SF3B1: variants seen among roughly 807,000 people sequenced by gnomAD.
The protein encoded by SF3B1 is splicing factor 3b subunit 1.
SF3B1 carries 12 observed loss-of-function variants against 153.8 expected under a neutral mutation model. The ratio of observed to expected loss-of-function variants is 0.08; its 90% confidence interval spans 0.05 to 0.13. SF3B1 has a LOEUF of 0.13. Among genes scored for constraint, SF3B1 ranks in the 10% least tolerant of loss-of-function variants. SF3B1 has a pLI of 1.00. For missense variants in SF3B1, 513 were observed against 1,606.1 expected, an observed-to-expected ratio of 0.32 and a Z score of 11.63; for synonymous variants, 498 against 525.2, an observed-to-expected ratio of 0.95 and a Z score of 0.71.
chr2:197,410,155 GA>G (rs1156930410), intron 6 of SF3B1, 148 bp from the exon 7 acceptor site: 2 of 558,838 alleles, frequency 3.6e-6, no homozygotes, highest in Admixed American at 6.7e-5. Context: ...CTACTTATAG[GA>G]AAAGATACCT....
At chr2:197,407,923 G>T in intron 9 of SF3B1, 75 bp downstream of exon 9, 1 of 1,399,582 alleles carries the variant, frequency 7.1e-7, no homozygotes, top group South Asian at 1.3e-5. Context: ...GCCAATGCAA[G>T]CTTAATCAAT....
At chr2:197,419,738 T>G (rs1446688060) in intron 4 of SF3B1, 1 of 221,824 alleles carries the variant, frequency 4.5e-6, no homozygotes, top group African/African-American at 2.2e-5. Flanking sequence ...AAAAAGAATA[T>G]CCCTACTAAT....
intron 24 of SF3B1, among the ~76,000 whole-genome samples, 191 bp downstream of exon 24, chr2:197,392,781 G>A (rs549800369): frequency 6.6e-6 from 1 of 152,096 alleles, no homozygotes; most frequent in East Asian, 1.9e-4. Flanking sequence ...AAAGGGGAGG[G>A]AGAGCATTAG....
rs144149571 is a variant in SF3B1, at chr2:197,419,060, A to G, written c.416-472T>C. On this transcript the variant is annotated intron_variant, in intron 4 of 24. Transcript: ENST00000335508. ...CCTGACTACAAATAACTATGACTAG[A>G]TAAGTTCTTCATACAGTGTTCTAAA... The G allele has an allele frequency of 2.7e-4, 224 of 839,360 alleles. 1 individual carries two copies. The African/African-American group carries it at 3.0e-3, about 11-fold the overall frequency. 52.0% of individuals were successfully genotyped at this position (839,360 alleles called of 1,614,324 possible).
chr2:197,407,462 G>A (rs931224722), intron 9 of SF3B1, among the ~76,000 whole-genome samples: 2 of 152,018 alleles, frequency 1.3e-5, no homozygotes, highest in African/African-American at 2.4e-5. Flanking sequence ...AAGATGAGCC[G>A]GGCATGGTGG....
intron 6 of SF3B1, among the ~76,000 whole-genome samples, chr2:197,414,578 A>T (rs2085119517): frequency 6.6e-6 from 1 of 152,230 alleles, no homozygotes; most frequent in African/African-American, 2.4e-5. Flanking sequence ...GAGAAATGAA[A>T]ATACACTTTT....
At chr2:197,397,947 A>G (rs2084895616) in intron 22 of SF3B1, 38 bp downstream of exon 22, 1 of 1,510,088 alleles carries the variant, frequency 6.6e-7, no homozygotes. Context: ...CATTTATTAT[A>G]AAGTAATTTT....
rs2084794171 is a variant in SF3B1, at chr2:197,390,099, A to C, written c.*2204T>G. On this transcript the variant is annotated 3_prime_UTR_variant, in exon 25 of 25. Transcript: ENST00000335508. ...TTCCTTATTTAATAATAAGCACATA[A>C]AATAATCCAAATATCTGTGAGCCTC... 6.6e-6 allele frequency: 1 copy of C among 152,224 alleles called. No individual in the cohort carries two copies. Among genetic ancestry groups the C allele is most frequent in the Non-Finnish European group, 1.5e-5 (1 of 68,040 alleles). 9.4% of individuals were successfully genotyped at this position (152,224 alleles called of 1,614,324 possible). A position where few individuals can be genotyped will look rare whatever the true frequency, so the allele number is the denominator to read the frequency against.
chr2:197,410,015 A>G lies in SF3B1; in HGVS notation c.667-8T>C. 1 of 1,581,040 alleles carries G rather than the reference A, an allele frequency of 6.3e-7. No homozygotes were observed. Among genetic ancestry groups the G allele is most frequent in the Non-Finnish European group, 8.6e-7 (1 of 1,161,764 alleles). On this transcript the variant is annotated splice_region_variant and splice_polypyrimidine_tract_variant and intron_variant, in intron 6 of 24. Coordinates refer to ENST00000335508, the MANE Select transcript of SF3B1 (RefSeq NM_012433.4). ...AGGAGTATGCCCAGGGGTCTTAAAA[A>G]AGCAAAAAAATTTTATTTCACACAC...
intron 6 of SF3B1, 116 bp from the exon 7 acceptor site, chr2:197,410,123 GAA>G (rs1266705257): frequency 1.6e-6 from 1 of 639,574 alleles, no homozygotes; most frequent in African/African-American, 1.8e-5. Context: ...TATAATTAAT[GAA>G]AAGTTAGAAG....
At position 197,402,203 on chromosome 2, in the gene SF3B1, C is replaced by A. The variant is rs1459385417; in HGVS notation, c.2078-73G>T. The A allele has an allele frequency of 6.6e-7, 1 of 1,515,276 alleles. No individual in the cohort carries two copies. 93.9% of individuals were successfully genotyped at this position (1,515,276 alleles called of 1,614,324 possible). On this transcript the variant is annotated intron_variant, in intron 14 of 24. Transcript: ENST00000335508. The surrounding 1 kb of genome is among the most constrained non-coding windows in gnomAD (Gnocchi z 4.6). The stretch of plus-strand genomic sequence containing the variant: ...TTACACAATATCATCCAGATTCTCT[C>A]AATATATCAACTATTCAGCCAAACT...
chr2:197,400,576 A>G lies in SF3B1; in HGVS notation c.2718+139T>C. 9.9e-7 allele frequency: 1 copy of G among 1,007,802 alleles called. No homozygotes were observed. Among genetic ancestry groups the G allele is most frequent in the Non-Finnish European group, 1.4e-6 (1 of 694,378 alleles). 62.4% of individuals were successfully genotyped at this position (1,007,802 alleles called of 1,614,324 possible). On this transcript the variant is annotated intron_variant, in intron 18 of 24. Coordinates refer to ENST00000335508, the MANE Select transcript of SF3B1 (RefSeq NM_012433.4). This position sits in a 1 kb window ranked among gnomAD's most constrained non-coding sequence, Gnocchi z 5.0. Reference sequence around the variant, plus strand: ...CAAATCTTAAAACTTGAGGTAGAATAATATCGTTTGGTAACCCCCTGAGCA... The same window carrying G: ...CAAATCTTAAAACTTGAGGTAGAATGATATCGTTTGGTAACCCCCTGAGCA...
In SF3B1 at chr2:197,402,241, C is replaced by G; in HGVS notation, c.2078-111G>C. On this transcript the variant is annotated intron_variant, in intron 14 of 24. Coordinates refer to ENST00000335508, the MANE Select transcript of SF3B1 (RefSeq NM_012433.4). The surrounding 1 kb of genome is among the most constrained non-coding windows in gnomAD (Gnocchi z 4.6). ...ATTCAGCCAAACTGCAGAATATGTT[C>G]ACATTAAACAAAATTAGGTAAAAGC... The G allele has an allele frequency of 3.1e-6, 4 of 1,307,130 alleles. No individual in the cohort carries two copies. Among genetic ancestry groups the G allele is most frequent in the Non-Finnish European group, 3.1e-6 (3 of 961,586 alleles). 81.0% of individuals were successfully genotyped at this position (1,307,130 alleles called of 1,614,324 possible).
chr2:197,408,031 C>T lies in SF3B1; in HGVS notation c.1206G>A (p.Glu402=). ...IDERNRPLSD[E]ELDAMFPEGY... Reference sequence around the variant, plus strand: ...CTTCTGGGAACATAGCATCTAATTCCTCATCAGAAAGTGGGCGATTTCTCT... The same window carrying T: ...CTTCTGGGAACATAGCATCTAATTCTTCATCAGAAAGTGGGCGATTTCTCT... Residue 402 remains glutamate (E), a synonymous_variant, in exon 9 of 25, where the codon GAG becomes GAA. Coordinates refer to ENST00000335508, the MANE Select transcript of SF3B1 (RefSeq NM_012433.4). The T allele has an allele frequency of 6.2e-7, 1 of 1,613,350 alleles. No individual in the cohort carries two copies. Among genetic ancestry groups the T allele is most frequent in the Non-Finnish European group, 8.5e-7 (1 of 1,179,426 alleles).
In SF3B1 at chr2:197,401,015, T is replaced by TTA. The variant is rs2084932182; in HGVS notation, c.2497-80_2497-79insTA. The TTA allele has an allele frequency of 1.0e-5, 8 of 792,974 alleles. No homozygotes were observed. The East Asian group carries it at 1.8e-4, about 18-fold the overall frequency. The allele number at this position is 792,974 out of a possible 1,614,324, so 49.1% of individuals were successfully genotyped here. ...AAGCAACATCATGAAAACCAAATAC[T>TTA]CTAAATATACTACTTATTTAGCTAA... On this transcript the variant is annotated intron_variant, in intron 17 of 24. Transcript: ENST00000335508. This position sits in a 1 kb window ranked among gnomAD's most constrained non-coding sequence, Gnocchi z 4.2.
At chr2:197,425,231 C>T (rs920121232) in intron 1 of SF3B1, among the ~76,000 whole-genome samples, 13 of 152,272 alleles carry the variant, frequency 8.5e-5, no homozygotes, top group Admixed American at 6.5e-4. Context: ...TTCGGGAGGC[C>T]GAGGTGGGCA....
intron 23 of SF3B1, 103 bp from the exon 24 acceptor site, chr2:197,393,291 C>T: frequency 1.4e-6 from 1 of 732,542 alleles, no homozygotes; most frequent in Non-Finnish European, 2.4e-6. Context: ...ATTCACCGGC[C>T]CATTAGAAAC....
chr2:197,416,298 T>C (rs1302235313), intron 6 of SF3B1, among the ~76,000 whole-genome samples: 1 of 152,196 alleles, frequency 6.6e-6, no homozygotes, highest in African/African-American at 2.4e-5. Flanking sequence ...CTGTATTTAA[T>C]ATTCTAAAAA....
rs2105985791 is a variant in SF3B1 at position 197,402,195 on chromosome 2, G to C, written c.2078-65C>G. 1.3e-6 allele frequency: 2 copies of C among 1,529,544 alleles called. No homozygotes were observed. The highest frequency in any genetic ancestry group is 1.8e-6 in the Non-Finnish European group (2 of 1,135,388). The allele number at this position is 1,529,544 out of a possible 1,614,324, so 94.7% of individuals were successfully genotyped here. On this transcript the variant is annotated intron_variant, in intron 14 of 24. Transcript: ENST00000335508. This position sits in a 1 kb window ranked among gnomAD's most constrained non-coding sequence, Gnocchi z 4.6. ...TACCTAAGTTACACAATATCATCCA[G>C]ATTCTCTCAATATATCAACTATTCA... is the stretch of plus-strand genomic sequence containing the variant.
Sources: allele counts gnomAD v4.1 joint callset (sites outside exome capture counted in the v4.1 genomes callset), GRCh38; gene constraint gnomAD v4.1.1; non-coding constraint Gnocchi (gnomAD v3.1); transcripts MANE v1.5; gene names NCBI Gene and HGNC (gene_info 2026-07-23, HGNC 2026-07-21).